Variants in RYR3 observed in about 807,000 individuals in gnomAD.
RYR3 encodes brain ryanodine receptor-calcium release channel.
A neutral mutation model predicts 584.3 loss-of-function variants in RYR3; 207 were observed. That is an observed-to-expected ratio of 0.35 (90% CI 0.32 to 0.40). RYR3 has a LOEUF of 0.40. RYR3 is among the 10% of genes least tolerant of loss of function. The pLI, the probability that RYR3 is intolerant of heterozygous loss-of-function variation, is 1.00. For missense variants in RYR3, 5,616 were observed against 6,089.2 expected, an observed-to-expected ratio of 0.92 and a Z score of 2.59; for synonymous variants, 2,416 against 2,248.5, an observed-to-expected ratio of 1.07 and a Z score of -2.11.
At chr15:33,665,486 G>A (rs570153216) in intron 36 of RYR3, among the ~76,000 whole-genome samples, 4 of 152,276 alleles carry the variant, frequency 2.6e-5, no homozygotes, top group South Asian at 2.1e-4. Context: ...TCAGTGACCC[G>A]ATGAGTGGAG....
At chr15:33,763,904 A>AAAAAAAAAAAAC (rs2072749165) in intron 60 of RYR3, among the ~76,000 whole-genome samples, 8 of 130,648 alleles carry the variant, frequency 6.1e-5, no homozygotes, top group African/African-American at 2.6e-4. Flanking sequence ...AAAAAAAAAA[A>AAAAAAAAAAAAC]AAAAAAAAAA....
intron 1 of RYR3, among the ~76,000 whole-genome samples, chr15:33,348,620 C>T (rs761062572): frequency 1.3e-5 from 2 of 152,112 alleles, no homozygotes; most frequent in South Asian, 2.1e-4. Flanking sequence ...GGACTACAGG[C>T]GTGCGCCACC....
chr15:33,474,599 G>C (rs1393789773), intron 2 of RYR3, among the ~76,000 whole-genome samples: 1 of 152,122 alleles, frequency 6.6e-6, no homozygotes, highest in Non-Finnish European at 1.5e-5. Context: ...CTATGGTGTC[G>C]TTTGGCTGAA....
At chr15:33,787,844 G>A (rs1333789170) in intron 66 of RYR3, among the ~76,000 whole-genome samples, 2 of 152,188 alleles carry the variant, frequency 1.3e-5, no homozygotes, top group Non-Finnish European at 2.9e-5. Context: ...CTTCCTTCAG[G>A]AAGTTTACAA....
chr15:33,848,492 C>A, intron 94 of RYR3, 71 bp downstream of exon 94: 1 of 1,515,838 alleles, frequency 6.6e-7, no homozygotes, highest in Non-Finnish European at 8.9e-7. Context: ...CTCTTTCCTC[C>A]TGGCCTTAAA....
intron 38 of RYR3, among the ~76,000 whole-genome samples, chr15:33,678,848 A>G (rs534590964): frequency 6.6e-6 from 1 of 152,298 alleles, no homozygotes; most frequent in East Asian, 1.9e-4. Flanking sequence ...GGTTATCTTC[A>G]CAGGTTTTTC....
At chr15:33,536,311 T>C (rs1269700850) in intron 5 of RYR3, among the ~76,000 whole-genome samples, 3 of 152,226 alleles carry the variant, frequency 2.0e-5, no homozygotes, top group Non-Finnish European at 4.4e-5. Flanking sequence ...TTGTACATTC[T>C]CACACTTAAC....
In RYR3 at chr15:33,554,518, G is replaced by A. The variant is rs541047965; in HGVS notation, c.972+4202G>A. On this transcript the variant is annotated intron_variant, in intron 10 of 103. Transcript: ENST00000634891. ...TCACTATGTTAGCCAGGACGGTCTC[G>A]ATCTCCTGACCTCGTGATCCGCCCG... Among the ~76,000 whole-genome samples the A allele has an allele frequency of 1.7e-4, 26 of 152,072 alleles. No individual in the cohort carries two copies. The South Asian group carries it at 1.9e-3, about 11-fold the overall frequency.
intron 23 of RYR3, among the ~76,000 whole-genome samples, chr15:33,632,080 A>G (rs189366974): frequency 1.6e-4 from 25 of 152,378 alleles, no homozygotes; most frequent in African/African-American, 5.3e-4. Context: ...ACTCTGCCCA[A>G]GGGCAGCATC....
intron 8 of RYR3, among the ~76,000 whole-genome samples, chr15:33,547,868 C>T (rs1310727694): frequency 6.6e-6 from 1 of 152,196 alleles, no homozygotes; most frequent in Non-Finnish European, 1.5e-5. Context: ...TTGTTCCTGC[C>T]TTTCCCTTGT....
In RYR3 at chr15:33,464,487, T is replaced by TATATAC. The variant is rs2048309460; in HGVS notation, c.52-8929_52-8928insTACATA. Among the ~76,000 whole-genome samples, 2 of 84,712 alleles carry TATATAC rather than the reference T, an allele frequency of 2.4e-5. 1 individual carries two copies. The highest frequency in any genetic ancestry group is 4.5e-5 in the Non-Finnish European group (2 of 44,516). The allele number at this position is 84,712 out of a possible 152,430, so 55.6% of individuals were successfully genotyped here. A position where few individuals can be genotyped will look rare whatever the true frequency, so the allele number is the denominator to read the frequency against. ...AGATATATATATATATATATATATA[T>TATATAC]ATACACATATATATATACATACACA... On this transcript the variant is annotated intron_variant, in intron 1 of 103. Coordinates refer to ENST00000634891, the MANE Select transcript of RYR3 (RefSeq NM_001036.6).
intron 31 of RYR3, among the ~76,000 whole-genome samples, chr15:33,650,953 A>G (rs2062430992): frequency 6.6e-6 from 1 of 152,212 alleles, no homozygotes. Context: ...AAGTATTCTA[A>G]AGTAATTGAC....
In RYR3 at chr15:33,756,356, A is replaced by C. The variant is rs931171102; in HGVS notation, c.8566A>C (p.Ile2856Leu). 1 of 1,577,212 alleles carries C rather than the reference A, an allele frequency of 6.3e-7. No individual in the cohort carries two copies. Among genetic ancestry groups the C allele is most frequent in the African/African-American group, 1.3e-5 (1 of 74,200 alleles). Reference protein sequence around the residue: ...KTEKSPRDQEIKFFAKVLLPL... With the variant: ...KTEKSPRDQELKFFAKVLLPL... ...TGAAAAGTCTCCCCGTGACCAGGAG[A>C]TCAAATTCTTTGCCAAAGTAAGTGG... Residue 2856 changes from isoleucine to leucine, a missense_variant, in exon 59 of 104, where the codon ATC (isoleucine) becomes CTC (leucine). Ile to Leu is a conservative substitution (Grantham distance 5). This residue lies in a region of RYR3 where 1,280 missense variants were observed against 1,426.2 expected (regional missense o/e 0.90). Coordinates refer to ENST00000634891, the MANE Select transcript of RYR3 (RefSeq NM_001036.6).
intron 1 of RYR3, among the ~76,000 whole-genome samples, chr15:33,336,740 T>C (rs187669267): frequency 6.6e-5 from 10 of 151,706 alleles, no homozygotes; most frequent in Admixed American, 5.9e-4. Flanking sequence ...GACGTTTGTA[T>C]TGCAATACAA....
In RYR3 at chr15:33,859,712, C is replaced by T. The variant is rs368370540; in HGVS notation, c.14280C>T (p.Ile4760=). 7.8e-4 allele frequency: 1,264 copies of T among 1,610,428 alleles called. 1 individual carries two copies. The highest frequency in any genetic ancestry group is 1.0e-3 in the Non-Finnish European group (1,188 of 1,177,966). Residue 4760 remains isoleucine (I), a synonymous_variant, in exon 100 of 104, where the codon ATC becomes ATT. Transcript: ENST00000634891. Reference sequence around the variant, plus strand: ...CCTTTTTCTTCTTCGTCATTGTCATCTTGCTGGCCATCATTCAAGGTATGA... The same window carrying T: ...CCTTTTTCTTCTTCGTCATTGTCATTTTGCTGGCCATCATTCAAGGTATGA... ...DITFFFFVIV[I]LLAIIQGLII...
At chr15:33,782,348 A>G (rs2074437655) in intron 65 of RYR3, among the ~76,000 whole-genome samples, 1 of 152,208 alleles carries the variant, frequency 6.6e-6, no homozygotes, top group South Asian at 2.1e-4. Flanking sequence ...ATTTGATAAG[A>G]CATATTCATA....
At chr15:33,335,722 T>TAA (rs548840408) in intron 1 of RYR3, among the ~76,000 whole-genome samples, 1 of 140,220 alleles carries the variant, frequency 7.1e-6, no homozygotes, top group Non-Finnish European at 1.6e-5. Context: ...AAAGAATAAT[T>TAA]AAAAAAAAAA....
In RYR3 at chr15:33,854,807, G is replaced by A. The variant is rs1288793870; in HGVS notation, c.13902G>A (p.Leu4634=). 6.2e-7 allele frequency: 1 copy of A among 1,613,658 alleles called. No homozygotes were observed. The highest frequency in any genetic ancestry group is 1.1e-5 in the South Asian group (1 of 90,996). Residue 4634 remains leucine (L), a synonymous_variant, in exon 98 of 104, where the codon CTG becomes CTA. Coordinates refer to ENST00000634891, the MANE Select transcript of RYR3 (RefSeq NM_001036.6). The part of the protein sequence containing the change: ...YLAWYTTMSV[L]GHYNNFFFAA... ...CCTGGTATACAACCATGTCAGTCCT[G>A]GGCCACTACAATAACTTCTTCTTTG...
At chr15:33,744,771 T>G (rs747360643) in intron 52 of RYR3, among the ~76,000 whole-genome samples, 3 of 152,102 alleles carry the variant, frequency 2.0e-5, no homozygotes, top group Non-Finnish European at 2.9e-5. Context: ...AGCTAGGACA[T>G]GGAGTAGGAT....
Sources: gnomAD v4.1 joint callset for allele counts (sites outside exome capture counted in the v4.1 genomes callset) on GRCh38, gnomAD v4.1.1 for gene constraint, gnomAD v4.1.1 regional missense constraint, MANE v1.5 for transcripts, NCBI Gene and HGNC (gene_info 2026-07-23, HGNC 2026-07-21) for gene names.